Variants in TRPM1 observed in about 807,000 individuals in gnomAD.
TRPM1 encodes the protein TRPM1-203 APA Isoform, Intron 10.
Under a neutral mutation model 149.4 loss-of-function variants are expected in TRPM1, and 113 were observed. That is an observed-to-expected ratio of 0.76 (90% CI 0.65 to 0.88). TRPM1 has a LOEUF of 0.88. TRPM1 is among the 40% of genes least tolerant of loss of function. The probability of loss-of-function intolerance (pLI) is 0.00; values close to 1 mark genes in which losing one functional copy is unlikely to be tolerated. For missense variants in TRPM1, 1,976 were observed against 2,038.7 expected (o/e 0.97, Z 0.59); for synonymous variants, 741 against 759.5 (o/e 0.98, Z 0.40).
intron 27 of TRPM1, among the ~76,000 whole-genome samples, chr15:31,006,201 G>C (rs1040379436): frequency 6.6e-6 from 1 of 150,992 alleles, no homozygotes. Flanking sequence ...TTTTTGAGAC[G>C]GAGTCTTGCT....
intron 1 of TRPM1, among the ~76,000 whole-genome samples, chr15:31,109,698 T>TAA (rs71420547): frequency 1.6e-3 from 192 of 123,088 alleles, no homozygotes; most frequent in Middle Eastern, 4.4e-3. Context: ...AGACTCTGTC[T>TAA]AAAAAAAAAA....
In TRPM1 at chr15:31,026,346, A is replaced by C. The variant is rs564395290; in HGVS notation, c.3497-75T>G. The C allele has an allele frequency of 1.6e-4, 255 of 1,562,658 alleles. 2 individuals are homozygous for C. The South Asian group carries it at 2.1e-3, about 13-fold the overall frequency. ...TTCGTGGCGTCAATGAGAATTTCAC[A>C]GCCCCACTTTAATTAAGCTCTCTTC... On this transcript the variant is annotated intron_variant, in intron 26 of 27. Coordinates refer to ENST00000256552, the MANE Select transcript of TRPM1 (RefSeq NM_001252024.2).
rs181123962 is a variant in TRPM1 at position 31,018,853 on chromosome 15, G to A, written c.3629+7286C>T. Among the ~76,000 whole-genome samples, 473 of 152,260 alleles carry A rather than the reference G, an allele frequency of 3.1e-3. 2 individuals are homozygous for A. Among genetic ancestry groups the A allele is most frequent in the African/African-American group, 0.011 (448 of 41,544 alleles). On this transcript the variant is annotated intron_variant, in intron 27 of 27. Transcript: ENST00000256552. ...GTAATTTTAGTAGAGATGGAGTTTT[G>A]CCATGTTGGCCAAGCTGATCTCGAA... is the stretch of plus-strand genomic sequence containing the variant.
intron 1 of TRPM1, among the ~76,000 whole-genome samples, chr15:31,144,711 G>GTTTTTTTTTTTT (rs1567078292): frequency 2.1e-5 from 3 of 142,932 alleles, no homozygotes; most frequent in Non-Finnish European, 3.0e-5. Flanking sequence ...TTGTTTTTGA[G>GTTTTTTTTTTTT]ATTTTTTTTT....
At chr15:31,017,693 T>G (rs2032414557) in intron 27 of TRPM1, among the ~76,000 whole-genome samples, 1 of 152,250 alleles carries the variant, frequency 6.6e-6, no homozygotes, top group Non-Finnish European at 1.5e-5. Context: ...GGTATATCTA[T>G]TATTAAGGAT....
intron 1 of TRPM1, among the ~76,000 whole-genome samples, chr15:31,156,920 A>G (rs1435344893): frequency 2.2e-5 from 3 of 135,676 alleles, no homozygotes; most frequent in Non-Finnish European, 4.7e-5. Context: ...TAAATAGTGT[A>G]CTTACATTTA....
chr15:31,052,576 A>T (rs62038928), intron 11 of TRPM1, among the ~76,000 whole-genome samples: 8,736 of 152,240 alleles, frequency 0.057, 401 homozygotes, highest in African/African-American at 0.11. Context: ...GGAATTTGAG[A>T]CCAGCCTGGC....
intron 1 of TRPM1, among the ~76,000 whole-genome samples, chr15:31,089,099 A>C (rs762471590): frequency 6.6e-6 from 1 of 152,144 alleles, no homozygotes; most frequent in Non-Finnish European, 1.5e-5. Flanking sequence ...AACAAAAATC[A>C]ATACAGAAAA....
chr15:31,090,908 C>T (rs1056980590), intron 1 of TRPM1, among the ~76,000 whole-genome samples: 1 of 152,144 alleles, frequency 6.6e-6, no homozygotes, highest in African/African-American at 2.4e-5. Flanking sequence ...ATTAGCTTGT[C>T]TATGACATGG....
rs1401524760 is a variant in TRPM1 at position 31,040,643 on chromosome 15, G to A, written c.2088-297C>T. On this transcript the variant is annotated intron_variant, in intron 17 of 27. Transcript: ENST00000256552. This position sits in a 1 kb window ranked among gnomAD's most constrained non-coding sequence, Gnocchi z 4.2. Reference sequence around the variant, plus strand: ...AGGGACATAGAGACGAGAAGACAAAGTCCCTTCCCTCAAGTTGTGCACAGA... The same window carrying A: ...AGGGACATAGAGACGAGAAGACAAAATCCCTTCCCTCAAGTTGTGCACAGA... 6.6e-6 allele frequency among the ~76,000 whole-genome samples: 1 copy of A among 152,206 alleles called. No individual in the cohort carries two copies. Among genetic ancestry groups the A allele is most frequent in the Admixed American group, 6.5e-5 (1 of 15,276 alleles).
chr15:31,130,155 C>T (rs1377228122), intron 1 of TRPM1, among the ~76,000 whole-genome samples: 1 of 152,240 alleles, frequency 6.6e-6, no homozygotes, highest in Non-Finnish European at 1.5e-5. Flanking sequence ...AGGGTTAATG[C>T]CGGGTGCATT....
chr15:31,160,906 C>T, exon 1 of TRPM1: 2 of 1,535,552 alleles, frequency 1.3e-6, no homozygotes, highest in Non-Finnish European at 1.7e-6. Flanking sequence ...GCTCACTCAC[C>T]TTCTGCGACC....
chr15:31,029,718 G>A (rs1306539768), intron 23 of TRPM1, among the ~76,000 whole-genome samples: 1 of 152,100 alleles, frequency 6.6e-6, no homozygotes, highest in East Asian at 1.9e-4. Context: ...CAGATGATCA[G>A]GTTAACCAAT....
intron 5 of TRPM1, 51 bp downstream of exon 5, chr15:31,067,828 T>G: frequency 1.3e-5 from 21 of 1,567,542 alleles, no homozygotes; most frequent in Non-Finnish European, 1.8e-5. Context: ...GGGACCACAG[T>G]GAGTTCTGGG....
chr15:31,144,881 A>G lies in TRPM1; in HGVS notation c.54+16025T>C, dbSNP rs919686124. On this transcript the variant is annotated intron_variant, in intron 1 of 26. Coordinates refer to the TRPM1 transcript ENST00000542188. The stretch of plus-strand genomic sequence containing the variant: ...CAGGTGACTTCCACCACACCGGGCT[A>G]ATTTTTGTATTTTTAGGAGAGATGG... 2.6e-5 allele frequency among the ~76,000 whole-genome samples: 4 copies of G among 151,644 alleles called. 1 individual carries two copies. The highest frequency in any genetic ancestry group is 9.7e-5 in the African/African-American group (4 of 41,236).
In TRPM1 at chr15:31,153,795, A is replaced by T. The variant is rs561532662; in HGVS notation, c.54+7111T>A. ...TGTCAGGAGCTCCTGAGCCTGTGTC[A>T]CGGGCATGTTATTGAAAACATCGAC... On this transcript the variant is annotated intron_variant, in intron 1 of 26. Coordinates refer to the TRPM1 transcript ENST00000542188. Among the ~76,000 whole-genome samples, 297 of 152,310 alleles carry T rather than the reference A, an allele frequency of 1.9e-3. 2 individuals are homozygous for T. Among genetic ancestry groups the T allele is most frequent in the Non-Finnish European group, 3.1e-3 (210 of 68,036 alleles).
intron 1 of TRPM1, among the ~76,000 whole-genome samples, chr15:31,085,397 C>T (rs1030588316): frequency 1.3e-5 from 2 of 152,180 alleles, no homozygotes; most frequent in African/African-American, 4.8e-5. Flanking sequence ...GGGTATGTCT[C>T]TAATGCTAAC....
Position 31,026,272 on chromosome 15 carries a change from C to G in TRPM1, c.3497-1G>C, listed in dbSNP as rs1486667990. 3.7e-6 allele frequency: 6 copies of G among 1,609,998 alleles called. No individual in the cohort carries two copies. The highest frequency in any genetic ancestry group is 1.3e-5 in the African/African-American group (1 of 74,936). ...AGCTCCTCGTCGCTAAGGAAGAGCT[C>G]TGTGTGAAGGGAGAAGTGTCGGCCA... On this transcript the variant is annotated splice_acceptor_variant, in intron 26 of 27. Transcript: ENST00000256552. LOFTEE classifies it high-confidence loss of function.
chr15:31,157,211 C>T (rs1256551099), intron 1 of TRPM1, among the ~76,000 whole-genome samples: 2 of 152,194 alleles, frequency 1.3e-5, no homozygotes, highest in Non-Finnish European at 2.9e-5. Flanking sequence ...CCACGCCTGG[C>T]TAGTGGCTTA....
Sources: allele counts gnomAD v4.1 joint callset (sites outside exome capture counted in the v4.1 genomes callset), GRCh38; gene constraint gnomAD v4.1.1; non-coding constraint Gnocchi (gnomAD v3.1); transcripts MANE v1.5; gene names NCBI Gene and HGNC (gene_info 2026-07-23, HGNC 2026-07-21).